The following CCDC171 variants were observed in gnomAD, a reference collection of about 807,000 sequenced individuals.
CCDC171 encodes coiled-coil domain containing 171.
A neutral mutation model predicts 168.2 loss-of-function variants in CCDC171; 177 were observed. That is an observed-to-expected ratio of 1.05 (90% CI 0.93 to 1.19). The LOEUF (loss-of-function observed/expected upper bound fraction) is 1.19, where lower values mean the gene tolerates loss of function less well. Ranked by LOEUF, CCDC171 falls within the 50% of genes most tolerant of loss-of-function variation. CCDC171 has a pLI of 0.00. For synonymous variants in CCDC171, 687 were observed against 540.8 expected (o/e 1.27, Z -3.75); for missense variants, 1,991 against 1,539.0 (o/e 1.29, Z -4.91).
At chr9:15,943,512 G>C (rs1224958670) in intron 25 of CCDC171, among the ~76,000 whole-genome samples, 1 of 151,914 alleles carries the variant, frequency 6.6e-6, no homozygotes, top group Non-Finnish European at 1.5e-5. Context: ...ACCAGATGCA[G>C]GTCTAAGTAT....
At position 15,596,905 on chromosome 9, in the gene CCDC171, C is replaced by T. The variant is rs562574921; in HGVS notation, c.675+2733C>T. Reference sequence around the variant, plus strand: ...CCTAGGTATTTTATTCTCTTTGAAGCAATTGTGAATGAGAGTTCACTGATG... The same window carrying T: ...CCTAGGTATTTTATTCTCTTTGAAGTAATTGTGAATGAGAGTTCACTGATG... On this transcript the variant is annotated intron_variant, in intron 6 of 25. Coordinates refer to ENST00000380701, the MANE Select transcript of CCDC171 (RefSeq NM_173550.4). 2.6e-5 allele frequency among the ~76,000 whole-genome samples: 4 copies of T among 152,234 alleles called. No individual in the cohort carries two copies. In the South Asian group the frequency reaches 8.3e-4, roughly 32 times the overall value.
chr9:15,569,364 G>A (rs904059035), intron 2 of CCDC171, among the ~76,000 whole-genome samples: 3 of 152,148 alleles, frequency 2.0e-5, no homozygotes, highest in African/African-American at 7.2e-5. Flanking sequence ...CCAATCTCAT[G>A]AGATTATTGT....
At position 15,801,137 on chromosome 9, in the gene CCDC171, A is replaced by G. The variant is rs921136672; in HGVS notation, c.3267+16443A>G. Among the ~76,000 whole-genome samples, 15 of 150,126 alleles carry G rather than the reference A, an allele frequency of 1.0e-4. No homozygotes were observed. In the East Asian group the frequency reaches 1.9e-3, roughly 19 times the overall value. On this transcript the variant is annotated intron_variant, in intron 21 of 25. Coordinates refer to ENST00000380701, the MANE Select transcript of CCDC171 (RefSeq NM_173550.4). ...GTAAATTTTAGGATTTTTTTTTTCT[A>G]TTTGTATGAAGAATGTTATTGGTAT...
chr9:15,632,586 G>C (rs1344929514), intron 7 of CCDC171, among the ~76,000 whole-genome samples: 6 of 152,160 alleles, frequency 3.9e-5, no homozygotes, highest in African/African-American at 1.4e-4. Flanking sequence ...CGTGAAAATG[G>C]CCATACTCCC....
chr9:15,771,005 AT>A (rs1036964946), intron 18 of CCDC171, among the ~76,000 whole-genome samples: 2 of 152,188 alleles, frequency 1.3e-5, no homozygotes, highest in African/African-American at 4.8e-5. Flanking sequence ...GATAATGAAT[AT>A]TTTTTAATAT....
intron 7 of CCDC171, among the ~76,000 whole-genome samples, chr9:15,628,221 G>A (rs934666988): frequency 1.3e-5 from 2 of 152,116 alleles, no homozygotes; most frequent in East Asian, 1.9e-4. Flanking sequence ...GAAGCAGGGC[G>A]AGGCATTGCC....
intron 7 of CCDC171, among the ~76,000 whole-genome samples, chr9:15,634,262 A>G (rs4741525): frequency 0.024 from 3,585 of 152,294 alleles, 63 homozygotes; most frequent in South Asian, 0.036. Flanking sequence ...AATTAAAGAT[A>G]TAATTTGAAT....
intron 25 of CCDC171, among the ~76,000 whole-genome samples, chr9:15,951,628 G>A (rs1829191174): frequency 1.3e-5 from 2 of 152,104 alleles, no homozygotes; most frequent in African/African-American, 2.4e-5. Flanking sequence ...GATTAGTGAT[G>A]TTGAGCATCT....
At chr9:16,074,533 C>T in the CCDC171 span, among the ~76,000 whole-genome samples, 1 of 152,174 alleles carries the variant, frequency 6.6e-6, no homozygotes, top group African/African-American at 2.4e-5. Flanking sequence ...TCTTTCCTCA[C>T]AGTGCTTACC....
chr9:16,019,585 A>G lies in CCDC171; in HGVS notation n.369-1004A>G, dbSNP rs58060025. 8.4e-3 allele frequency among the ~76,000 whole-genome samples: 1,085 copies of G among 129,704 alleles called. 10 individuals carry two copies. Among genetic ancestry groups the G allele is most frequent in the African/African-American group, 0.025 (1,034 of 41,028 alleles). The allele number at this position is 129,704 out of a possible 152,430, so 85.1% of individuals were successfully genotyped here. A position where few individuals can be genotyped will look rare whatever the true frequency, so the allele number is the denominator to read the frequency against. ...GTGAAAGAGATTGAGAGGGAGAGAC[A>G]GAGAGAAACAGAAAGACATGGTTAG... On this transcript the variant is annotated intron_variant and non_coding_transcript_variant, in intron 3 of 9. Transcript: ENST00000486641.
intron 3 of CCDC171, among the ~76,000 whole-genome samples, chr9:15,985,234 A>C (rs1009480328): frequency 6.6e-6 from 1 of 152,184 alleles, no homozygotes; most frequent in African/African-American, 2.4e-5. Context: ...TTGAGTAATA[A>C]TGCAGTACAC....
chr9:15,711,081 C>G (rs1283023895), intron 11 of CCDC171, among the ~76,000 whole-genome samples: 1 of 152,108 alleles, frequency 6.6e-6, no homozygotes, highest in Non-Finnish European at 1.5e-5. Flanking sequence ...TGTTCTGTAT[C>G]TGTTGTTCTA....
At chr9:15,921,031 A>G (rs1268402263) in intron 25 of CCDC171, among the ~76,000 whole-genome samples, 1 of 151,738 alleles carries the variant, frequency 6.6e-6, no homozygotes, top group Non-Finnish European at 1.5e-5. Context: ...GTATTGTGAC[A>G]TAAAGGAATA....
chr9:15,705,126 A>T (rs1032710386), intron 11 of CCDC171, among the ~76,000 whole-genome samples: 64 of 148,908 alleles, frequency 4.3e-4, no homozygotes, highest in African/African-American at 1.5e-3. Flanking sequence ...ACACACTCTC[A>T]CTCACTCAGA....
chr9:15,997,270 G>A (rs1430435600), intron 3 of CCDC171, among the ~76,000 whole-genome samples: 2 of 152,176 alleles, frequency 1.3e-5, no homozygotes, highest in Admixed American at 1.3e-4. Flanking sequence ...CTGCGTCTTA[G>A]AGAAGTCCTG....
chr9:15,957,296 G>C (rs1158570146), intron 25 of CCDC171, among the ~76,000 whole-genome samples: 2 of 152,132 alleles, frequency 1.3e-5, no homozygotes, highest in Admixed American at 1.3e-4. Context: ...TTAGGGGCCT[G>C]GTAAAGGGTT....
chr9:15,988,516 A>T (rs1263644745), intron 3 of CCDC171, among the ~76,000 whole-genome samples: 2 of 152,112 alleles, frequency 1.3e-5, no homozygotes, highest in African/African-American at 4.8e-5. Context: ...AAGACGGGTG[A>T]TTTCTCCATT....
At chr9:15,691,666 GTTGTA>G (rs2133696460) in intron 10 of CCDC171, among the ~76,000 whole-genome samples, 1 of 150,806 alleles carries the variant, frequency 6.6e-6, no homozygotes, top group African/African-American at 2.4e-5. Flanking sequence ...ACTTATTTAT[GTTGTA>G]TTGTATTTAC....
chr9:15,681,044 C>A lies in CCDC171; in HGVS notation c.1215+2148C>A, dbSNP rs557047351. Among the ~76,000 whole-genome samples the A allele has an allele frequency of 2.6e-5, 4 of 152,126 alleles. No homozygotes were observed. In the South Asian group the frequency reaches 6.2e-4, roughly 24 times the overall value. The stretch of plus-strand genomic sequence containing the variant: ...AGTGATTAAAAAATTTTACTTGGTA[C>A]CAACAGATTTTTTTTTCTAAAACAT... On this transcript the variant is annotated intron_variant, in intron 10 of 25. Coordinates refer to ENST00000380701, the MANE Select transcript of CCDC171 (RefSeq NM_173550.4).
Sources: allele counts gnomAD v4.1 joint callset (sites outside exome capture counted in the v4.1 genomes callset), GRCh38; gene constraint gnomAD v4.1.1; transcripts MANE v1.5; gene names NCBI Gene and HGNC (gene_info 2026-07-23, HGNC 2026-07-21).